Variants in RASSF3 observed in about 807,000 individuals in gnomAD.
RASSF3 encodes the protein ras association domain-containing protein 3.
A neutral mutation model predicts 19.9 loss-of-function variants in RASSF3; 19 were observed. The ratio of observed to expected loss-of-function variants is 0.96; its 90% CI spans 0.67 to 1.40. The LOEUF (loss-of-function observed/expected upper bound fraction) is 1.40. RASSF3 is among the 40% of genes most tolerant of loss of function. RASSF3 has a pLI of 0.00. For missense variants in RASSF3, 306 were observed against 289.8 expected, an observed-to-expected ratio of 1.06 and a Z score of -0.41; for synonymous variants, 110 against 104.2, an observed-to-expected ratio of 1.06 and a Z score of -0.34.
chr12:64,523,295 A>C (rs1049565826), intron 1 of RASSF3, among the ~76,000 whole-genome samples: 1 of 152,042 alleles, frequency 6.6e-6, no homozygotes, highest in Non-Finnish European at 1.5e-5. Flanking sequence ...AATCCCACCT[A>C]CTTGGGAGGC....
upstream of RASSF3, chr12:64,609,251 AC>A (rs1870255019): frequency 6.6e-6 from 1 of 152,212 alleles, no homozygotes; most frequent in Non-Finnish European, 1.5e-5. Flanking sequence ...GCAAAGCAGA[AC>A]GGTCCGAGTA....
intron 2 of RASSF3, among the ~76,000 whole-genome samples, chr12:64,593,414 G>T (rs1273532153): frequency 2.0e-5 from 3 of 152,018 alleles, no homozygotes; most frequent in Admixed American, 2.0e-4. Flanking sequence ...TAGAGACAGG[G>T]TTTTGCCATG....
chr12:64,684,948 T>A, intron 2 of RASSF3, 54 bp downstream of exon 2: 1 of 1,011,292 alleles, frequency 9.9e-7, no homozygotes, highest in East Asian at 2.4e-5. Context: ...CAAATATAAA[T>A]TGTTGGTACT....
intron 1 of RASSF3, among the ~76,000 whole-genome samples, chr12:64,539,176 GGGGCATCT>G (rs1306533525): frequency 6.6e-6 from 1 of 152,144 alleles, no homozygotes; most frequent in Non-Finnish European, 1.5e-5. Context: ...TCTAGGTCAA[GGGGCATCT>G]GGTGAAGCCC....
At chr12:64,561,953 G>T (rs543689963) in intron 2 of RASSF3, among the ~76,000 whole-genome samples, 1 of 151,568 alleles carries the variant, frequency 6.6e-6, no homozygotes, top group African/African-American at 2.4e-5. Context: ...CAAATTGCTG[G>T]GATTACGGCA....
At chr12:64,583,842 A>T (rs1869744858) in intron 2 of RASSF3, among the ~76,000 whole-genome samples, 1 of 152,184 alleles carries the variant, frequency 6.6e-6, no homozygotes, top group Non-Finnish European at 1.5e-5. Context: ...TTTAAAGTTC[A>T]CTGACAAGAT....
chr12:64,655,101 T>C (rs1872109001), intron 1 of RASSF3: 1 of 152,238 alleles, frequency 6.6e-6, no homozygotes. Flanking sequence ...AACTGCTTTA[T>C]GGAGGAAGTA....
At chr12:64,572,226 C>T (rs1339424627) in intron 2 of RASSF3, among the ~76,000 whole-genome samples, 4 of 151,768 alleles carry the variant, frequency 2.6e-5, no homozygotes, top group South Asian at 2.1e-4. Flanking sequence ...GTAGATAATT[C>T]GGGAGAGAAA....
intron 1 of RASSF3, among the ~76,000 whole-genome samples, chr12:64,653,440 G>A (rs926775139): frequency 1.6e-4 from 24 of 152,108 alleles, no homozygotes; most frequent in African/African-American, 5.8e-4. Context: ...CATGCTGATA[G>A]CCTTAACATT....
chr12:64,641,934 G>T (rs955155641), intron 1 of RASSF3, among the ~76,000 whole-genome samples: 3 of 151,842 alleles, frequency 2.0e-5, no homozygotes, highest in Non-Finnish European at 2.9e-5. Context: ...TAGAGACGGG[G>T]TTTCTCCATG....
At chr12:64,680,096 C>T (rs1873066881) in intron 1 of RASSF3, among the ~76,000 whole-genome samples, 1 of 152,162 alleles carries the variant, frequency 6.6e-6, no homozygotes, top group African/African-American at 2.4e-5. Flanking sequence ...TTCTTCTCTT[C>T]CTTTTTCCTG....
chr12:64,645,791 G>A (rs896666944), intron 1 of RASSF3, among the ~76,000 whole-genome samples: 4 of 152,106 alleles, frequency 2.6e-5, no homozygotes, highest in Non-Finnish European at 5.9e-5. Flanking sequence ...AATCTTAATT[G>A]TACAATCTAA....
intron 1 of RASSF3, chr12:64,515,507 C>G (rs1398931865): frequency 6.6e-6 from 1 of 152,010 alleles, no homozygotes; most frequent in Non-Finnish European, 1.5e-5. Flanking sequence ...TTCCCTTTAC[C>G]TCTTTCTTGA....
intron 2 of RASSF3, among the ~76,000 whole-genome samples, chr12:64,551,001 C>T (rs1353276888): frequency 6.6e-6 from 1 of 152,082 alleles, no homozygotes; most frequent in Non-Finnish European, 1.5e-5. Flanking sequence ...CTCCTTTTCC[C>T]TCCTCAAGCT....
intron 2 of RASSF3, among the ~76,000 whole-genome samples, chr12:64,594,422 A>G (rs1869968464): frequency 6.6e-6 from 1 of 152,166 alleles, no homozygotes; most frequent in African/African-American, 2.4e-5. Context: ...TCCCACCAAT[A>G]AAGTTTTTAA....
chr12:64,641,400 G>GCA (rs530475322), intron 1 of RASSF3, among the ~76,000 whole-genome samples: 8 of 106,814 alleles, frequency 7.5e-5, no homozygotes, highest in South Asian at 3.3e-4. Flanking sequence ...TGTCTCACAG[G>GCA]CGCACACACA....
chr12:64,671,595 T>A (rs1872704561), intron 1 of RASSF3, among the ~76,000 whole-genome samples: 1 of 152,206 alleles, frequency 6.6e-6, no homozygotes, highest in Non-Finnish European at 1.5e-5. Context: ...TCACCTAACT[T>A]TTATTTGAAT....
chr12:64,543,447 C>CCCCCGCTGCCCGCCTGACCCCCCGCT (rs1565836117), downstream of RASSF3, among the ~76,000 whole-genome samples: 1 of 62,782 alleles, frequency 1.6e-5, no homozygotes, highest in Non-Finnish European at 3.7e-5. Flanking sequence ...CCCCCGTGCC[C>CCCCCGCTGCCCGCCTGACCCCCCGCT]GCCCGCCCCC....
At chr12:64,578,918 G>A (rs555919847) in intron 2 of RASSF3, among the ~76,000 whole-genome samples, 2 of 152,308 alleles carry the variant, frequency 1.3e-5, no homozygotes, top group South Asian at 4.1e-4. Context: ...GCCGAGGTGG[G>A]TGGATCACCT....
Sources: allele counts gnomAD v4.1 joint callset (sites outside exome capture counted in the v4.1 genomes callset), GRCh38; gene constraint gnomAD v4.1.1; transcripts MANE v1.5; gene names NCBI Gene and HGNC (gene_info 2026-07-23, HGNC 2026-07-21).